Variants in SLC9A8 observed in about 807,000 individuals in gnomAD.
SLC9A8 encodes the protein solute carrier family 9 member A8.
A neutral mutation model predicts 66.6 loss-of-function variants in SLC9A8; 48 were observed. That is an observed-to-expected ratio of 0.72 (90% CI 0.57 to 0.92). SLC9A8 has a LOEUF of 0.92. Among genes scored for constraint, SLC9A8 ranks in the 40% least tolerant of loss-of-function variants. SLC9A8 has a pLI of 0.00. For missense variants in SLC9A8, 599 were observed against 747.3 expected, an observed-to-expected ratio of 0.80 and a Z score of 2.31; for synonymous variants, 274 against 282.6, an observed-to-expected ratio of 0.97 and a Z score of 0.31.
chr20:49,886,720 T>A lies in SLC9A8; in HGVS notation c.1492-32T>A. ...GGTGCCCCCCGATGGTGCCAGCTGG[T>A]GGCCGTCGGGCCGCCTTTCCTCCCT... On this transcript the variant is annotated intron_variant, in intron 14 of 15. Transcript: ENST00000361573. The surrounding 1 kb of genome is among the most constrained non-coding windows in gnomAD (Gnocchi z 4.8). 1 of 1,601,432 alleles carries A rather than the reference T, an allele frequency of 6.2e-7. No homozygotes were observed. The highest frequency in any genetic ancestry group is 8.5e-7 in the Non-Finnish European group (1 of 1,172,668).
chr20:49,828,193 G>C (rs1041485903), intron 3 of SLC9A8, among the ~76,000 whole-genome samples: 5 of 147,978 alleles, frequency 3.4e-5, no homozygotes, highest in Admixed American at 1.4e-4. Context: ...TGATTCTCCT[G>C]CCTCAGCCTC....
At position 49,888,374 on chromosome 20, in the gene SLC9A8, C is replaced by A; in HGVS notation, c.*438C>A. 1 of 174,142 alleles carries A rather than the reference C, an allele frequency of 5.7e-6. No homozygotes were observed. Among genetic ancestry groups the A allele is most frequent in the South Asian group, 1.0e-4 (1 of 9,606 alleles). The allele number at this position is 174,142 out of a possible 1,614,324, so 10.8% of individuals were successfully genotyped here. ...GGCAGAGCCAGGGGTCAGCCACCTGCCTTTGAGTCATCAAGATGCCTCTGC... is the reference window on the plus strand; with the variant it reads ...GGCAGAGCCAGGGGTCAGCCACCTGACTTTGAGTCATCAAGATGCCTCTGC... On this transcript the variant is annotated 3_prime_UTR_variant, in exon 16 of 16. Coordinates refer to ENST00000361573, the MANE Select transcript of SLC9A8 (RefSeq NM_015266.3).
At chr20:49,837,056 C>CA in intron 3 of SLC9A8, among the ~76,000 whole-genome samples, 1 of 152,314 alleles carries the variant, frequency 6.6e-6, no homozygotes, top group East Asian at 1.9e-4. Flanking sequence ...GGACAGAACT[C>CA]AAAGTCACCC....
At chr20:49,880,852 G>C (rs2089601157) in intron 12 of SLC9A8, 72 bp from the exon 13 acceptor site, 2 of 1,006,944 alleles carry the variant, frequency 2.0e-6, no homozygotes, top group Non-Finnish European at 3.2e-6. Context: ...GTCTGCATTA[G>C]CTTCATCCAA....
chr20:49,884,336 A>ACACACACACACACACACAC (rs1568884621), intron 14 of SLC9A8, among the ~76,000 whole-genome samples: 2 of 108,524 alleles, frequency 1.8e-5, no homozygotes, highest in African/African-American at 7.2e-5. Context: ...ACACACACAC[A>ACACACACACACACACACAC]CCCCCCGGTC....
chr20:49,873,662 T>C (rs1389139887), intron 10 of SLC9A8, among the ~76,000 whole-genome samples: 2 of 150,466 alleles, frequency 1.3e-5, no homozygotes, highest in Non-Finnish European at 2.9e-5. Context: ...TCCCAGCTAC[T>C]TGGGAGGCCG....
At chr20:49,859,937 C>G (rs1159270579) in intron 8 of SLC9A8, among the ~76,000 whole-genome samples, 2 of 152,156 alleles carry the variant, frequency 1.3e-5, no homozygotes, top group Non-Finnish European at 2.9e-5. Flanking sequence ...CTTTCATTAC[C>G]TGGAGTTCAG....
chr20:49,850,476 C>T (rs55994402), intron 6 of SLC9A8, among the ~76,000 whole-genome samples: 5,567 of 152,286 alleles, frequency 0.037, 147 homozygotes, highest in East Asian at 0.088. Context: ...TGGATTTTCA[C>T]CTATATTGCA....
intron 3 of SLC9A8, among the ~76,000 whole-genome samples, chr20:49,832,454 A>G (rs1315958130): frequency 5.9e-5 from 9 of 152,146 alleles, no homozygotes; most frequent in Admixed American, 5.9e-4. Flanking sequence ...GATGTTGCAT[A>G]AGAACAGGAA....
Position 49,839,534 on chromosome 20 carries a change from C to G in SLC9A8, c.290-7C>G. 1 of 1,507,130 alleles carries G rather than the reference C, an allele frequency of 6.6e-7. No homozygotes were observed. Among genetic ancestry groups the G allele is most frequent in the Non-Finnish European group, 9.2e-7 (1 of 1,090,838 alleles). The allele number at this position is 1,507,130 out of a possible 1,614,324, so 93.4% of individuals were successfully genotyped here. On this transcript the variant is annotated splice_polypyrimidine_tract_variant and splice_region_variant and intron_variant, in intron 3 of 15. Coordinates refer to ENST00000361573, the MANE Select transcript of SLC9A8 (RefSeq NM_015266.3). ...ATTTATGTTAAAGTTTACATTTTCT[C>G]TTGTAGGTATTCTCATGGGAGCAGT...
chr20:49,890,029 T>A lies in SLC9A8; in HGVS notation c.*2093T>A, dbSNP rs2090006684. ...ACTTTGAGCTGAGACTTGAAAACGA[T>A]GCTGTGGCGGAAGAGCATGTGGGGC... On this transcript the variant is annotated 3_prime_UTR_variant, in exon 16 of 16. Coordinates refer to ENST00000361573, the MANE Select transcript of SLC9A8 (RefSeq NM_015266.3). 1 of 152,202 alleles carries A rather than the reference T, an allele frequency of 6.6e-6. No homozygotes were observed. The allele number at this position is 152,202 out of a possible 1,614,324, so 9.4% of individuals were successfully genotyped here.
intron 3 of SLC9A8, chr20:49,831,123 C>T (rs373938839): frequency 4.5e-5 from 25 of 557,176 alleles, no homozygotes; most frequent in Admixed American, 7.9e-5. Context: ...CTAATCTCTC[C>T]GCTAACTCCC....
chr20:49,855,637 G>T, intron 8 of SLC9A8, 56 bp downstream of exon 8: 1 of 1,538,234 alleles, frequency 6.5e-7, no homozygotes, highest in Non-Finnish European at 8.9e-7. Flanking sequence ...AAAGGTCCTT[G>T]TAACAAAGGG....
chr20:49,842,825 A>G (rs6091060), intron 4 of SLC9A8, among the ~76,000 whole-genome samples: 21,642 of 152,200 alleles, frequency 0.14, 2,644 homozygotes, highest in African/African-American at 0.34. Flanking sequence ...TGAGAAGTCA[A>G]GGTATCAACA....
At chr20:49,853,515 A>T (rs1183753135) in intron 7 of SLC9A8, among the ~76,000 whole-genome samples, 1 of 152,236 alleles carries the variant, frequency 6.6e-6, no homozygotes, top group East Asian at 1.9e-4. Context: ...GATGAGAGTG[A>T]AAATAAAAGA....
At chr20:49,858,962 A>G (rs1340975247) in intron 8 of SLC9A8, among the ~76,000 whole-genome samples, 1 of 146,578 alleles carries the variant, frequency 6.8e-6, no homozygotes, top group East Asian at 1.9e-4. Flanking sequence ...TCTCAAAAAA[A>G]AAAAAAAGAA....
intron 10 of SLC9A8, among the ~76,000 whole-genome samples, chr20:49,874,499 C>A (rs754495726): frequency 2.6e-5 from 4 of 152,172 alleles, no homozygotes; most frequent in Non-Finnish European, 5.9e-5. Context: ...TAATGTGGCT[C>A]AAGGTCACCC....
intron 3 of SLC9A8, among the ~76,000 whole-genome samples, chr20:49,836,272 A>G (rs2087530775): frequency 6.6e-6 from 1 of 152,162 alleles, no homozygotes; most frequent in Non-Finnish European, 1.5e-5. Flanking sequence ...GCTGAATAAT[A>G]TTACATTGTA....
chr20:49,849,859 C>G (rs1466291203), intron 6 of SLC9A8, among the ~76,000 whole-genome samples, 179 bp downstream of exon 6: 1 of 152,196 alleles, frequency 6.6e-6, no homozygotes, highest in Non-Finnish European at 1.5e-5. Flanking sequence ...TAAATTGTTT[C>G]AAAGTGTCCT....
Sources: gnomAD v4.1 joint callset for allele counts (sites outside exome capture counted in the v4.1 genomes callset) on GRCh38, gnomAD v4.1.1 for gene constraint, Gnocchi (gnomAD v3.1) non-coding constraint, MANE v1.5 for transcripts, NCBI Gene and HGNC (gene_info 2026-07-23, HGNC 2026-07-21) for gene names.